The following PDE4D variants were observed in gnomAD, a reference collection of about 807,000 sequenced individuals.
PDE4D encodes phosphodiesterase 4D.
In PDE4D, 24 loss-of-function variants were observed where a neutral mutation model predicts 87.4. The ratio of observed to expected loss-of-function variants is 0.27; its 90% CI spans 0.20 to 0.39. PDE4D has a LOEUF of 0.39. Among genes scored for constraint, PDE4D ranks in the 10% least tolerant of loss-of-function variants. The probability of loss-of-function intolerance (pLI) is 1.00; values close to 1 mark genes in which losing one functional copy is unlikely to be tolerated. For missense variants in PDE4D, 714 were observed against 1,041.0 expected (o/e 0.69, Z 4.32); for synonymous variants, 384 against 383.2 (o/e 1.00, Z -0.02).
chr5:60,122,667 G>T (rs1421286279), intron 2 of PDE4D, among the ~76,000 whole-genome samples: 1 of 152,184 alleles, frequency 6.6e-6, no homozygotes, highest in African/African-American at 2.4e-5. Flanking sequence ...GGCCTGTGAT[G>T]GGAGGGGCTG....
At position 58,972,786 on chromosome 5, in the gene PDE4D, TA is replaced by T. The variant is rs1426218615; in HGVS notation, c.*1877del. 3 of 152,160 alleles carry T rather than the reference TA, an allele frequency of 2.0e-5. No homozygotes were observed. The highest frequency in any genetic ancestry group is 7.2e-5 in the African/African-American group (3 of 41,466). 9.4% of individuals were successfully genotyped at this position (152,160 alleles called of 1,614,324 possible). ...CCAACTGCTATAATCAGGTAAACACTAGGAATTAATCTCTAAAACTGTAATA... is the reference window on the plus strand; with the variant it reads ...CCAACTGCTATAATCAGGTAAACACTGGAATTAATCTCTAAAACTGTAATA... On this transcript the variant is annotated 3_prime_UTR_variant, in exon 15 of 15. Transcript: ENST00000340635.
chr5:60,521,437 A>G (rs1446035120), intron 1 of PDE4D: 1 of 152,204 alleles, frequency 6.6e-6, no homozygotes, highest in Non-Finnish European at 1.5e-5. Flanking sequence ...CATCCTATAT[A>G]CTACAACCTC....
At chr5:59,878,886 A>ATT (rs1748991836) in intron 1 of PDE4D, among the ~76,000 whole-genome samples, 2 of 116,164 alleles carry the variant, frequency 1.7e-5, no homozygotes, top group African/African-American at 8.1e-5. Flanking sequence ...TACCGAAGTA[A>ATT]GTTTTTTTTT....
intron 3 of PDE4D, among the ~76,000 whole-genome samples, chr5:59,191,968 A>C (rs1430469953): frequency 6.6e-6 from 1 of 152,216 alleles, no homozygotes; most frequent in Non-Finnish European, 1.5e-5. Flanking sequence ...TTTTTTGGAC[A>C]CAGAAATACA....
At chr5:59,124,077 G>A (rs2153447630) in intron 5 of PDE4D, among the ~76,000 whole-genome samples, 1 of 152,260 alleles carries the variant, frequency 6.6e-6, no homozygotes, top group Middle Eastern at 3.4e-3. Context: ...TAATCAGGGG[G>A]GAACAACTTT....
At chr5:60,063,014 C>T (rs1047449387) in intron 2 of PDE4D, among the ~76,000 whole-genome samples, 1 of 150,302 alleles carries the variant, frequency 6.7e-6, no homozygotes, top group Non-Finnish European at 1.5e-5. Context: ...AGCAAATCAT[C>T]GTGACACACA....
chr5:58,977,907 C>T (rs2153310337), intron 11 of PDE4D, among the ~76,000 whole-genome samples: 3 of 152,256 alleles, frequency 2.0e-5, no homozygotes, highest in Admixed American at 2.0e-4. Context: ...AGTATCGTGG[C>T]AGTCATTGTA....
intron 2 of PDE4D, among the ~76,000 whole-genome samples, chr5:60,176,498 C>A (rs1783907350): frequency 6.6e-6 from 1 of 152,012 alleles, no homozygotes; most frequent in Non-Finnish European, 1.5e-5. Flanking sequence ...AAATAAAGAA[C>A]TTGAGATTAT....
intron 1 of PDE4D, among the ~76,000 whole-genome samples, chr5:59,644,384 T>C (rs1742112411): frequency 6.6e-6 from 1 of 152,224 alleles, no homozygotes; most frequent in Non-Finnish European, 1.5e-5. Context: ...TCTGAATCCA[T>C]TGTTGTCTTT....
rs560435190 is a variant in PDE4D at position 60,056,329 on chromosome 5, A to G, written c.43-67612T>C. On this transcript the variant is annotated intron_variant, in intron 2 of 16. Coordinates refer to the PDE4D transcript ENST00000502484. ...TGAGAATCAGAGGCACCAACCCCCA[A>G]ACAAGTTTTCACTGAGACTCTGCTC... Among the ~76,000 whole-genome samples the G allele has an allele frequency of 3.3e-5, 5 of 152,186 alleles. No homozygotes were observed. The South Asian group carries it at 1.0e-3, about 32-fold the overall frequency.
chr5:60,121,489 G>T (rs1391737475), intron 2 of PDE4D, among the ~76,000 whole-genome samples: 1 of 152,104 alleles, frequency 6.6e-6, no homozygotes, highest in Non-Finnish European at 1.5e-5. Context: ...GGAGGCAAAA[G>T]GCACTTCTTA....
intron 1 of PDE4D, among the ~76,000 whole-genome samples, chr5:59,745,896 T>A (rs1456720423): frequency 6.6e-6 from 1 of 152,106 alleles, no homozygotes; most frequent in Non-Finnish European, 1.5e-5. Flanking sequence ...CAATTCAAAC[T>A]CCAAAGAGAA....
intron 1 of PDE4D, among the ~76,000 whole-genome samples, chr5:59,627,829 G>C (rs1831074492): frequency 6.6e-6 from 1 of 152,148 alleles, no homozygotes; most frequent in Non-Finnish European, 1.5e-5. Flanking sequence ...GGCTGAACAA[G>C]GATGGTGAGA....
chr5:60,346,767 A>G (rs1404420210), intron 1 of PDE4D, among the ~76,000 whole-genome samples: 3 of 152,260 alleles, frequency 2.0e-5, no homozygotes, highest in African/African-American at 7.2e-5. Context: ...TTGCTCTTAC[A>G]TTTCATGATT....
intron 1 of PDE4D, among the ~76,000 whole-genome samples, chr5:59,323,052 T>G (rs1285977329): frequency 6.6e-6 from 1 of 152,176 alleles, no homozygotes; most frequent in Non-Finnish European, 1.5e-5. Context: ...CAGTTCTGAC[T>G]AATTCAACTA....
chr5:60,116,944 A>G (rs1778226345), intron 2 of PDE4D, among the ~76,000 whole-genome samples: 1 of 152,002 alleles, frequency 6.6e-6, no homozygotes, highest in Non-Finnish European at 1.5e-5. Flanking sequence ...TGAATAAAAC[A>G]CCTTACTTTC....
chr5:59,065,515 A>G (rs1245288755), intron 5 of PDE4D, among the ~76,000 whole-genome samples: 1 of 152,172 alleles, frequency 6.6e-6, no homozygotes, highest in Non-Finnish European at 1.5e-5. Context: ...AAACAAAAAA[A>G]CCCAAAAAGA....
intron 1 of PDE4D, among the ~76,000 whole-genome samples, chr5:59,702,188 A>G (rs1391770206): frequency 1.3e-5 from 2 of 152,158 alleles, no homozygotes; most frequent in African/African-American, 4.8e-5. Flanking sequence ...CAATGGCACA[A>G]TCTGGGCTCA....
chr5:60,498,661 G>A (rs976128541), intron 1 of PDE4D, among the ~76,000 whole-genome samples: 1 of 152,106 alleles, frequency 6.6e-6, no homozygotes. Flanking sequence ...CAGCAACACT[G>A]GGCTGGTATC....
Sources: gnomAD v4.1 joint callset for allele counts (sites outside exome capture counted in the v4.1 genomes callset) on GRCh38, gnomAD v4.1.1 for gene constraint, MANE v1.5 for transcripts, NCBI Gene and HGNC (gene_info 2026-07-23, HGNC 2026-07-21) for gene names.